KCNQ1OT1: variants seen among roughly 807,000 people sequenced by gnomAD.
KCNQ1OT1 encodes KCNQ1 opposite strand/antisense transcript 1, also known as KCNQ1 antisense RNA 2 (non-protein coding).
chr11:2,611,018 G>C lies in KCNQ1OT1; in HGVS notation n.88977C>G, dbSNP rs1848972817. On this transcript the variant is annotated non_coding_transcript_exon_variant, in exon 1 of 1. Transcript: ENST00000597346. The surrounding 1 kb of genome is among the most constrained non-coding windows in gnomAD (Gnocchi z 5.3). ...GTTGTCTATTATTGTTCAGTTGTCTGTTTCTCTCTTCATTTCTGACAGTTT... is the reference window on the plus strand; with the variant it reads ...GTTGTCTATTATTGTTCAGTTGTCTCTTTCTCTCTTCATTTCTGACAGTTT... The C allele has an allele frequency of 5.0e-6, 2 of 398,198 alleles. No individual in the cohort carries two copies. Among genetic ancestry groups the C allele is most frequent in the Non-Finnish European group, 8.8e-6 (2 of 225,998 alleles). 24.7% of individuals were successfully genotyped at this position (398,198 alleles called of 1,614,324 possible).
chr11:2,696,512 C>T, exon 1 of KCNQ1OT1: 1 of 398,660 alleles, frequency 2.5e-6, no homozygotes, highest in Non-Finnish European at 4.4e-6. Flanking sequence ...AAGTCCTCTG[C>T]TCTCCTTTTC....
At chr11:2,693,774 G>T in exon 1 of KCNQ1OT1, 1 of 398,760 alleles carries the variant, frequency 2.5e-6, no homozygotes, top group Admixed American at 4.4e-5. Context: ...GACATGCTGG[G>T]GCCGGCCAGT....
In KCNQ1OT1 at chr11:2,669,109, G is replaced by A. The variant is rs954316103; in HGVS notation, n.30886C>T. The stretch of plus-strand genomic sequence containing the variant: ...TCTTTACAATCAGCTCACTGGCTAC[G>A]TGTGGCTCTGTTTCTGGACCCTATT... On this transcript the variant is annotated non_coding_transcript_exon_variant, in exon 1 of 1. Transcript: ENST00000597346. The surrounding 1 kb of genome is among the most constrained non-coding windows in gnomAD (Gnocchi z 5.6). 2.3e-4 allele frequency: 93 copies of A among 398,560 alleles called. No homozygotes were observed. The highest frequency in any genetic ancestry group is 2.6e-4 in the Admixed American group (6 of 22,714). The allele number at this position is 398,560 out of a possible 1,614,324, so 24.7% of individuals were successfully genotyped here.
Position 2,653,816 on chromosome 11 carries a change from C to T in KCNQ1OT1, n.46179G>A, listed in dbSNP as rs1849794607. The T allele has an allele frequency of 2.5e-6, 1 of 398,528 alleles. No individual in the cohort carries two copies. The highest frequency in any genetic ancestry group is 1.3e-4 in the South Asian group (1 of 7,854). 24.7% of individuals were successfully genotyped at this position (398,528 alleles called of 1,614,324 possible). ...GTACCTCCGATGGCTGAGGCAAGGT[C>T]CACAGGGACCCCTTTGGGGATGGCC... is the stretch of plus-strand genomic sequence containing the variant. On this transcript the variant is annotated non_coding_transcript_exon_variant, in exon 1 of 1. Coordinates refer to ENST00000597346, the Ensembl canonical transcript of KCNQ1OT1. This position sits in a 1 kb window ranked among gnomAD's most constrained non-coding sequence, Gnocchi z 5.3.
chr11:2,649,340 T>C (rs1407805543), exon 1 of KCNQ1OT1: 2 of 398,430 alleles, frequency 5.0e-6, no homozygotes, highest in African/African-American at 2.1e-5. Context: ...TAATCTTTTA[T>C]TCCTTTTCCT....
exon 1 of KCNQ1OT1, chr11:2,667,961 G>C (rs1850113052): frequency 2.5e-6 from 1 of 398,556 alleles, no homozygotes; most frequent in Non-Finnish European, 4.4e-6. Flanking sequence ...CCCCCAGAAA[G>C]CCTCTCAGGC....
At position 2,623,143 on chromosome 11, in the gene KCNQ1OT1, C is replaced by T. The variant is rs1269142162; in HGVS notation, n.76852G>A. On this transcript the variant is annotated non_coding_transcript_exon_variant, in exon 1 of 1. Transcript: ENST00000597346. This position sits in a 1 kb window ranked among gnomAD's most constrained non-coding sequence, Gnocchi z 5.2. ...TTCCCATCTCACTTTCTTTCCCTCT[C>T]CTGTTCTGCCATGGTAAAGATGTGC... 1.3e-5 allele frequency: 5 copies of T among 398,672 alleles called. No individual in the cohort carries two copies. The allele number at this position is 398,672 out of a possible 1,614,324, so 24.7% of individuals were successfully genotyped here. A position where few individuals can be genotyped will look rare whatever the true frequency, so the allele number is the denominator to read the frequency against.
Position 2,651,357 on chromosome 11 carries a change from T to A in KCNQ1OT1, n.48638A>T. ...CAAGCGGCTGAGAGAGCTGGGGTAT[T>A]TATCTTTCACTAGTGAGTGCTGCCC... On this transcript the variant is annotated non_coding_transcript_exon_variant, in exon 1 of 1. Coordinates refer to ENST00000597346, the Ensembl canonical transcript of KCNQ1OT1. The surrounding 1 kb of genome is among the most constrained non-coding windows in gnomAD (Gnocchi z 6.1). 5.0e-6 allele frequency: 2 copies of A among 398,694 alleles called. No homozygotes were observed. Among genetic ancestry groups the A allele is most frequent in the South Asian group, 2.5e-4 (2 of 7,858 alleles). The allele number at this position is 398,694 out of a possible 1,614,324, so 24.7% of individuals were successfully genotyped here.
exon 1 of KCNQ1OT1, chr11:2,618,574 G>A (rs1033230401): frequency 1.0e-5 from 4 of 398,372 alleles, no homozygotes; most frequent in African/African-American, 2.1e-5. Context: ...TGTTTTTTAT[G>A]CCAGGACCAT....
In KCNQ1OT1 at chr11:2,657,703, GGATC is replaced by G; in HGVS notation, n.42288_42291del. On this transcript the variant is annotated non_coding_transcript_exon_variant, in exon 1 of 1. Transcript: ENST00000597346. This position sits in a 1 kb window ranked among gnomAD's most constrained non-coding sequence, Gnocchi z 4.8. ...TTTTTCTGTTCCAAGATCCCATCTA[GGATC>G]GATCATTACATTTATTGTCATCTCT... 2.5e-6 allele frequency: 1 copy of G among 398,574 alleles called. No homozygotes were observed. Among genetic ancestry groups the G allele is most frequent in the Non-Finnish European group, 4.4e-6 (1 of 226,054 alleles). 24.7% of individuals were successfully genotyped at this position (398,574 alleles called of 1,614,324 possible).
Position 2,657,469 on chromosome 11 carries a change from C to G in KCNQ1OT1, n.42526G>C. 2.5e-6 allele frequency: 1 copy of G among 398,514 alleles called. No individual in the cohort carries two copies. The highest frequency in any genetic ancestry group is 3.6e-5 in the East Asian group (1 of 28,044). The allele number at this position is 398,514 out of a possible 1,614,324, so 24.7% of individuals were successfully genotyped here. A position where few individuals can be genotyped will look rare whatever the true frequency, so the allele number is the denominator to read the frequency against. ...TCTTTTGTGCTATTGTATACAGGTT[C>G]TGTTTTCTCTTGTTACCTCACATTT... On this transcript the variant is annotated non_coding_transcript_exon_variant, in exon 1 of 1. Transcript: ENST00000597346. This position sits in a 1 kb window ranked among gnomAD's most constrained non-coding sequence, Gnocchi z 4.8.
rs1244320119 is a variant in KCNQ1OT1, at chr11:2,670,777, T to G, written n.29218A>C. The G allele has an allele frequency of 7.5e-6, 3 of 398,614 alleles. No individual in the cohort carries two copies. The highest frequency in any genetic ancestry group is 1.3e-5 in the Non-Finnish European group (3 of 226,082). 24.7% of individuals were successfully genotyped at this position (398,614 alleles called of 1,614,324 possible). ...GCCAGTGGCTCTTGTGGCTGCCCTCTGCAATAAGAATTCTTCAAGTTCAGC... is the reference window on the plus strand; with the variant it reads ...GCCAGTGGCTCTTGTGGCTGCCCTCGGCAATAAGAATTCTTCAAGTTCAGC... On this transcript the variant is annotated non_coding_transcript_exon_variant, in exon 1 of 1. Transcript: ENST00000597346. This position sits in a 1 kb window ranked among gnomAD's most constrained non-coding sequence, Gnocchi z 4.9.
exon 1 of KCNQ1OT1, chr11:2,628,955 T>C: frequency 2.5e-6 from 1 of 398,426 alleles, no homozygotes; most frequent in Non-Finnish European, 4.4e-6. Flanking sequence ...ATGCTTTCTA[T>C]TCTGTTCCAT....
At chr11:2,640,539 G>GC (rs1284321226) in exon 1 of KCNQ1OT1, 6 of 391,890 alleles carry the variant, frequency 1.5e-5, no homozygotes, top group Admixed American at 1.4e-4. Flanking sequence ...TTCTGCCTTG[G>GC]CCCCCCAAAG....
At chr11:2,656,583 T>C in exon 1 of KCNQ1OT1, 1 of 398,684 alleles carries the variant, frequency 2.5e-6, no homozygotes, top group Non-Finnish European at 4.4e-6. Context: ...ATTCCTCTTT[T>C]GTGATGTGCT....
chr11:2,647,986 G>A lies in KCNQ1OT1; in HGVS notation n.52009C>T, dbSNP rs538375624. On this transcript the variant is annotated non_coding_transcript_exon_variant, in exon 1 of 1. Coordinates refer to ENST00000597346, the Ensembl canonical transcript of KCNQ1OT1. This position sits in a 1 kb window ranked among gnomAD's most constrained non-coding sequence, Gnocchi z 4.0. ...CCCAGTACTTTGGAAGGCCAAGGCA[G>A]GCCGATCGCTTGAGTCCAGGAGTTT... The A allele has an allele frequency of 2.3e-5, 9 of 397,746 alleles. No homozygotes were observed. Among genetic ancestry groups the A allele is most frequent in the Middle Eastern group, 1.3e-3 (2 of 1,588 alleles). 24.6% of individuals were successfully genotyped at this position (397,746 alleles called of 1,614,324 possible).
rs369349051 is a variant in KCNQ1OT1, at chr11:2,659,397, T to C, written n.40598A>G. The C allele has an allele frequency of 6.3e-5, 25 of 398,520 alleles. No homozygotes were observed. Among genetic ancestry groups the C allele is most frequent in the East Asian group, 2.1e-4 (6 of 28,082 alleles). The allele number at this position is 398,520 out of a possible 1,614,324, so 24.7% of individuals were successfully genotyped here. A position where few individuals can be genotyped will look rare whatever the true frequency, so the allele number is the denominator to read the frequency against. On this transcript the variant is annotated non_coding_transcript_exon_variant, in exon 1 of 1. Coordinates refer to ENST00000597346, the Ensembl canonical transcript of KCNQ1OT1. This position sits in a 1 kb window ranked among gnomAD's most constrained non-coding sequence, Gnocchi z 4.3. ...TGGCTTCTTTCACTGCTTAGCAAAA[T>C]GCATTTGAGATTCATCCATGTTGTT...
At chr11:2,697,259 C>G (rs1850692933) in exon 1 of KCNQ1OT1, 1 of 398,396 alleles carries the variant, frequency 2.5e-6, no homozygotes, top group Non-Finnish European at 4.4e-6. Flanking sequence ...TTGGGGGTTT[C>G]AATAACTTTT....
rs1399552935 is a variant in KCNQ1OT1, at chr11:2,686,632, C to T, written n.13363G>A. On this transcript the variant is annotated non_coding_transcript_exon_variant, in exon 1 of 1. Transcript: ENST00000597346. ...TCACATGAGCGTGGCTGCCCTCAGG[C>T]CCAGGCTGCACAGAGCATGGCCGCT... 8.0e-5 allele frequency: 32 copies of T among 398,542 alleles called. No homozygotes were observed. In the Admixed American group the frequency reaches 1.4e-3, roughly 18 times the overall value. 24.7% of individuals were successfully genotyped at this position (398,542 alleles called of 1,614,324 possible). A position where few individuals can be genotyped will look rare whatever the true frequency, so the allele number is the denominator to read the frequency against.
Sources: gnomAD v4.1 joint callset for allele counts on GRCh38, gnomAD v4.1.1 for gene constraint, Gnocchi (gnomAD v3.1) non-coding constraint, MANE v1.5 for transcripts, NCBI Gene and HGNC (gene_info 2026-07-23, HGNC 2026-07-21) for gene names.